Variants in DOCK9 observed in about 807,000 individuals in gnomAD.
The protein encoded by DOCK9 is dedicator of cytokinesis protein 9.
Under a neutral mutation model 263.3 loss-of-function variants are expected in DOCK9, and 89 were observed. That is an observed-to-expected ratio of 0.34 (90% confidence interval 0.28 to 0.40). The LOEUF (loss-of-function observed/expected upper bound fraction) is 0.40. Among genes scored for constraint, DOCK9 ranks in the 10% least tolerant of loss-of-function variants. The probability of loss-of-function intolerance (pLI) is 1.00; values close to 1 mark genes in which losing one functional copy is unlikely to be tolerated. For missense variants in DOCK9, 2,140 were observed against 2,603.4 expected, an observed-to-expected ratio of 0.82 and a Z score of 3.87; for synonymous variants, 976 against 973.1, an observed-to-expected ratio of 1.00 and a Z score of -0.06.
intron 1 of DOCK9, among the ~76,000 whole-genome samples, chr13:98,956,677 G>T (rs1319968913): frequency 6.6e-6 from 1 of 152,086 alleles, no homozygotes; most frequent in African/African-American, 2.4e-5. Flanking sequence ...AACTGGGGAG[G>T]CGGAGGTTGC....
chr13:98,964,690 CT>C (rs945921898), intron 1 of DOCK9, among the ~76,000 whole-genome samples: 1 of 152,190 alleles, frequency 6.6e-6, no homozygotes, highest in Non-Finnish European at 1.5e-5. Flanking sequence ...TTCAGAATAG[CT>C]GGATAAGGCT....
At chr13:99,015,828 G>A (rs1191104472) in intron 1 of DOCK9, 4 of 1,232,542 alleles carry the variant, frequency 3.2e-6, no homozygotes, top group South Asian at 3.2e-5. Context: ...GAGGGGTGGT[G>A]CAAACACAAG....
At chr13:98,978,082 G>A (rs1328909664), upstream of DOCK9, 5 of 1,420,384 alleles carry the variant, frequency 3.5e-6, no homozygotes, top group Non-Finnish European at 4.6e-6. Context: ...GGGAAGGCAT[G>A]ACAGCAAAGG....
chr13:99,083,337 T>C (rs55830855), intron 1 of DOCK9, among the ~76,000 whole-genome samples: 4,206 of 152,238 alleles, frequency 0.028, 94 homozygotes, highest in South Asian at 0.062. Context: ...TAGGTCCTTA[T>C]TAGAACAAAC....
rs367880570 is a variant in DOCK9, at chr13:98,948,679, T to C, written c.243+6756A>G. On this transcript the variant is annotated intron_variant, in intron 2 of 52. Transcript: ENST00000682017. ...CTCTTTTCATCTTTCCAACTGCGTC[T>C]CTGTTCCCATTGAACAATAACTCCC... is the stretch of plus-strand genomic sequence containing the variant. Among the ~76,000 whole-genome samples, 240 of 152,338 alleles carry C rather than the reference T, an allele frequency of 1.6e-3. 8 individuals are homozygous for C. The South Asian group carries it at 0.047, about 30-fold the overall frequency.
chr13:98,848,739 T>C, intron 36 of DOCK9, 100 bp from the exon 37 acceptor site: 6 of 1,224,864 alleles, frequency 4.9e-6, no homozygotes, highest in Non-Finnish European at 6.9e-6. Flanking sequence ...AAACATTATG[T>C]CTAGTACCAG....
chr13:98,968,057 G>C (rs188160096), intron 1 of DOCK9, among the ~76,000 whole-genome samples: 2 of 152,102 alleles, frequency 1.3e-5, no homozygotes, highest in African/African-American at 4.8e-5. Context: ...TAAAGAATGT[G>C]TAAGTATAAA....
chr13:98,911,055 G>A (rs1202422154), intron 9 of DOCK9, among the ~76,000 whole-genome samples: 1 of 152,148 alleles, frequency 6.6e-6, no homozygotes, highest in African/African-American at 2.4e-5. Context: ...GGGGAACACA[G>A]GTCTCCCCTT....
At chr13:99,053,920 A>G (rs2040811596) in intron 1 of DOCK9, among the ~76,000 whole-genome samples, 1 of 152,244 alleles carries the variant, frequency 6.6e-6, no homozygotes, top group Non-Finnish European at 1.5e-5. Context: ...ATTGAAAAAA[A>G]AACACAAAGC....
At chr13:98,918,691 G>A (rs1432232191) in intron 7 of DOCK9, among the ~76,000 whole-genome samples, 2 of 152,136 alleles carry the variant, frequency 1.3e-5, no homozygotes, top group African/African-American at 4.8e-5. Flanking sequence ...AAGCATGAAT[G>A]CAAAAATTAA....
rs763810750 is a variant in DOCK9 at position 98,831,680 on chromosome 13, A to G, written c.4421T>C (p.Val1474Ala). 2.2e-5 allele frequency: 35 copies of G among 1,613,728 alleles called. No homozygotes were observed. The South Asian group carries it at 2.2e-4, about 10-fold the overall frequency. ...KHQSETALKN[V>A]FTALRSLIYK... ...AATTAAGGACCTTAAGGCAGTGAAG[A>G]CATTTTTTAAAGCCGTTTCAGACTG... Residue 1474 changes from valine (V) to alanine (A), a missense_variant, in exon 40 of 53, where the codon GTC becomes GCC. By Grantham distance (64) the Val-to-Ala change is moderately conservative. Around this residue, in one of 2 missense-constraint regions of DOCK9, gnomAD observed 619 missense variants for 861.8 expected, o/e 0.72. Transcript: ENST00000682017.
chr13:98,887,672 A>T (rs2045995022), intron 18 of DOCK9, among the ~76,000 whole-genome samples: 1 of 150,796 alleles, frequency 6.6e-6, no homozygotes, highest in Non-Finnish European at 1.5e-5. Context: ...TCAAAAGACT[A>T]CTGAGAACCA....
At chr13:98,923,825 C>T (rs2052477611) in intron 4 of DOCK9, among the ~76,000 whole-genome samples, 1 of 152,158 alleles carries the variant, frequency 6.6e-6, no homozygotes, top group Admixed American at 6.5e-5. Flanking sequence ...CTAGGCCCTG[C>T]GCACTTCTCA....
At chr13:99,016,535 T>C (rs908748877) in intron 1 of DOCK9, among the ~76,000 whole-genome samples, 1 of 152,186 alleles carries the variant, frequency 6.6e-6, no homozygotes, top group Non-Finnish European at 1.5e-5. Context: ...CATGCTGAGG[T>C]CTCACAGTCA....
At chr13:98,991,862 C>A (rs576567908) in intron 1 of DOCK9, among the ~76,000 whole-genome samples, 1 of 151,912 alleles carries the variant, frequency 6.6e-6, no homozygotes, top group Non-Finnish European at 1.5e-5. Context: ...ATAATAAGGT[C>A]GCAGAGACCA....
intron 1 of DOCK9, among the ~76,000 whole-genome samples, chr13:99,077,850 C>T (rs2041972029): frequency 6.6e-6 from 1 of 152,192 alleles, no homozygotes; most frequent in Non-Finnish European, 1.5e-5. Flanking sequence ...CCAGCCCACA[C>T]TCAATGGAGA....
At position 98,955,448 on chromosome 13, in the gene DOCK9, T is replaced by C. The variant is rs1295683079; in HGVS notation, c.230A>G (p.Tyr77Cys). ...DCLREMLLFPYDDFQTAILRR... is the reference protein window; with the variant it reads ...DCLREMLLFPCDDFQTAILRR... Reference sequence around the variant, plus strand: ...AACGTTACTTACCTGAAAGTCATCGTAAGGGAAGAGCAGCATCTCCCGTAA... The same window carrying C: ...AACGTTACTTACCTGAAAGTCATCGCAAGGGAAGAGCAGCATCTCCCGTAA... The change falls in exon 2 of 53, where the codon TAC becomes TGC. Residue 77 changes from tyrosine to cysteine, a missense_variant. This residue lies in a region of DOCK9 where 1,521 missense variants were observed against 1,741.7 expected (regional missense o/e 0.87). Transcript: ENST00000682017. 6.3e-7 allele frequency: 1 copy of C among 1,587,480 alleles called. No individual in the cohort carries two copies. The highest frequency in any genetic ancestry group is 1.8e-5 in the Admixed American group (1 of 56,842).
chr13:98,997,130 G>T (rs1881238151), intron 1 of DOCK9, among the ~76,000 whole-genome samples: 1 of 152,226 alleles, frequency 6.6e-6, no homozygotes, highest in Non-Finnish European at 1.5e-5. Flanking sequence ...GTCAATGTGT[G>T]CAGCAGACAC....
chr13:98,813,569 C>T (rs1031950679), intron 45 of DOCK9, among the ~76,000 whole-genome samples: 13 of 152,098 alleles, frequency 8.5e-5, no homozygotes, highest in African/African-American at 3.1e-4. Flanking sequence ...ATAAACCCTA[C>T]GTGGTCATGA....
Sources: allele counts gnomAD v4.1 joint callset (sites outside exome capture counted in the v4.1 genomes callset), GRCh38; gene constraint gnomAD v4.1.1; regional missense constraint gnomAD v4.1.1; transcripts MANE v1.5; gene names NCBI Gene and HGNC (gene_info 2026-07-23, HGNC 2026-07-21).